Variants in CNTN4 observed in about 807,000 individuals in gnomAD.
The protein encoded by CNTN4 is contactin 4.
CNTN4 carries 77 observed loss-of-function variants against 122.5 expected under a neutral mutation model. The ratio of observed to expected loss-of-function variants is 0.63; its 90% CI spans 0.52 to 0.76. The LOEUF is 0.76. Among genes scored for constraint, CNTN4 ranks in the 30% least tolerant of loss-of-function variants. The pLI is 0.00. For synonymous variants in CNTN4, 512 were observed against 447.0 expected, an observed-to-expected ratio of 1.15 and a Z score of -1.83; for missense variants, 1,256 against 1,259.1, an observed-to-expected ratio of 1.00 and a Z score of 0.04.
chr3:2,594,104 A>C (rs2080639104), intron 4 of CNTN4, among the ~76,000 whole-genome samples: 1 of 152,172 alleles, frequency 6.6e-6, no homozygotes. Context: ...ACGTTTTACA[A>C]GCAGGAGATT....
intron 5 of CNTN4, 111 bp downstream of exon 5, chr3:2,736,452 T>C (rs553340337): frequency 1.8e-6 from 1 of 551,780 alleles, no homozygotes; most frequent in African/African-American, 2.0e-5. Flanking sequence ...TTTATTTTAT[T>C]TTATTTTATT....
intron 2 of CNTN4, among the ~76,000 whole-genome samples, chr3:2,291,296 A>G (rs1286491247): frequency 1.3e-5 from 2 of 152,158 alleles, no homozygotes; most frequent in African/African-American, 4.8e-5. Context: ...TCTTGTTCAA[A>G]TGAATCTTAT....
intron 2 of CNTN4, among the ~76,000 whole-genome samples, chr3:2,323,804 A>C (rs1559452750): frequency 1.3e-5 from 2 of 152,194 alleles, no homozygotes; most frequent in African/African-American, 4.8e-5. Context: ...TATAAACAAT[A>C]CAATACTAAT....
At chr3:2,347,205 G>C (rs865929755) in intron 3 of CNTN4, among the ~76,000 whole-genome samples, 7 of 152,060 alleles carry the variant, frequency 4.6e-5, no homozygotes, top group Non-Finnish European at 8.8e-5. Context: ...TCTCTCTCAT[G>C]CAACATTCTC....
At chr3:2,110,598 G>C (rs1186508718) in intron 2 of CNTN4, 1 of 152,136 alleles carries the variant, frequency 6.6e-6, no homozygotes, top group East Asian at 1.9e-4. Flanking sequence ...TGGTGAACTA[G>C]CCTTTTCCAC....
intron 3 of CNTN4, among the ~76,000 whole-genome samples, chr3:2,350,522 G>T (rs1434594697): frequency 6.6e-6 from 1 of 152,036 alleles, no homozygotes; most frequent in Non-Finnish European, 1.5e-5. Context: ...GCTGTAAAGT[G>T]CTCTGTACTA....
chr3:2,377,381 C>A (rs2045860264), intron 3 of CNTN4, among the ~76,000 whole-genome samples: 1 of 152,174 alleles, frequency 6.6e-6, no homozygotes, highest in Admixed American at 6.5e-5. Flanking sequence ...GCCATGCCTG[C>A]AATCCTCAGT....
chr3:2,103,330 T>A (rs897314022), intron 2 of CNTN4, among the ~76,000 whole-genome samples: 2 of 152,142 alleles, frequency 1.3e-5, no homozygotes, highest in Admixed American at 1.3e-4. Flanking sequence ...CATACTGGAA[T>A]GGAATTAGAT....
chr3:2,484,655 C>T (rs2076094658), intron 3 of CNTN4, among the ~76,000 whole-genome samples: 1 of 152,230 alleles, frequency 6.6e-6, no homozygotes, highest in African/African-American at 2.4e-5. Flanking sequence ...ACAAGGACAT[C>T]CACAGTGAGG....
chr3:2,206,877 CTTT>C (rs71056400), intron 2 of CNTN4, among the ~76,000 whole-genome samples: 14 of 142,416 alleles, frequency 9.8e-5, no homozygotes, highest in East Asian at 2.2e-4. Flanking sequence ...GCAGATACTG[CTTT>C]TTTTTTTTTT....
At position 2,371,224 on chromosome 3, in the gene CNTN4, A is replaced by T. The variant is rs545855730; in HGVS notation, c.-89+31991A>T. On this transcript the variant is annotated intron_variant, in intron 3 of 24. Coordinates refer to ENST00000418658, the MANE Select transcript of CNTN4 (RefSeq NM_175607.3). ...TGATATCCCCTGAGGTTAGGTTCCC[A>T]CTGCACTTGGAGTAAAGACTAGCAT... Among the ~76,000 whole-genome samples the T allele has an allele frequency of 2.0e-5, 3 of 152,286 alleles. No homozygotes were observed. In the South Asian group the frequency reaches 6.2e-4, roughly 32 times the overall value.
chr3:2,715,786 T>G (rs2149363813), intron 4 of CNTN4, among the ~76,000 whole-genome samples: 1 of 152,280 alleles, frequency 6.6e-6, no homozygotes, highest in Non-Finnish European at 1.5e-5. Context: ...TATCTCCTTT[T>G]ATGAAGACAG....
At chr3:2,729,351 T>C (rs1165954711) in intron 4 of CNTN4, among the ~76,000 whole-genome samples, 1 of 150,726 alleles carries the variant, frequency 6.6e-6, no homozygotes, top group African/African-American at 2.5e-5. Flanking sequence ...GATCACGAGG[T>C]CAGGAGATTG....
intron 3 of CNTN4, among the ~76,000 whole-genome samples, chr3:2,510,740 T>C (rs2076863604): frequency 6.6e-6 from 1 of 152,158 alleles, no homozygotes; most frequent in Admixed American, 6.5e-5. Context: ...TTAAAAATGT[T>C]CACATTCAGA....
At chr3:2,239,477 A>G (rs1392444608) in intron 2 of CNTN4, among the ~76,000 whole-genome samples, 1 of 152,174 alleles carries the variant, frequency 6.6e-6, no homozygotes, top group East Asian at 1.9e-4. Context: ...AGGCCATCAC[A>G]TTATGGATCA....
intron 3 of CNTN4, among the ~76,000 whole-genome samples, chr3:2,527,803 G>C (rs1344058976): frequency 2.0e-5 from 3 of 152,068 alleles, no homozygotes; most frequent in African/African-American, 7.2e-5. Flanking sequence ...AATAGAACAA[G>C]TTTATTGGTA....
At chr3:2,534,286 G>C (rs2077712380) in intron 3 of CNTN4, among the ~76,000 whole-genome samples, 1 of 152,268 alleles carries the variant, frequency 6.6e-6, no homozygotes, top group Non-Finnish European at 1.5e-5. Flanking sequence ...TTTTGTATAA[G>C]TTGTAAGGAA....
intron 2 of CNTN4, among the ~76,000 whole-genome samples, chr3:2,313,203 G>A (rs1271984604): frequency 2.0e-5 from 3 of 151,638 alleles, no homozygotes; most frequent in Non-Finnish European, 2.9e-5. Flanking sequence ...AAAGCAAGAC[G>A]TACATAAACT....
At chr3:2,227,224 A>T (rs2039320022) in intron 2 of CNTN4, among the ~76,000 whole-genome samples, 1 of 152,216 alleles carries the variant, frequency 6.6e-6, no homozygotes, top group Non-Finnish European at 1.5e-5. Context: ...TTATCTTTAC[A>T]TTCCTATATT....
Sources: allele counts gnomAD v4.1 joint callset (sites outside exome capture counted in the v4.1 genomes callset), GRCh38; gene constraint gnomAD v4.1.1; transcripts MANE v1.5; gene names NCBI Gene and HGNC (gene_info 2026-07-23, HGNC 2026-07-21).